TMC2: variants seen among roughly 807,000 people sequenced by gnomAD.
TMC2 encodes transmembrane channel-like protein 2.
In TMC2, 102 loss-of-function variants were observed where a neutral mutation model predicts 105.9. That is an observed-to-expected ratio of 0.96 (90% confidence interval 0.82 to 1.14). TMC2 has a LOEUF of 1.14. TMC2 is among the 50% of genes most tolerant of loss of function. TMC2 has a pLI of 0.00. For synonymous variants in TMC2, 402 were observed against 422.8 expected, an observed-to-expected ratio of 0.95 and a Z score of 0.60; for missense variants, 1,093 against 1,134.3, an observed-to-expected ratio of 0.96 and a Z score of 0.52.
chr20:2,613,573 A>C, intron 14 of TMC2: 1 of 456,240 alleles, frequency 2.2e-6, no homozygotes, highest in South Asian at 2.0e-5. Context: ...CATTTGGCCT[A>C]GGGGAAAGTG....
intron 2 of TMC2, among the ~76,000 whole-genome samples, chr20:2,538,942 C>CA (rs1385372133): frequency 6.6e-6 from 1 of 152,172 alleles, no homozygotes; most frequent in Non-Finnish European, 1.5e-5. Flanking sequence ...TTTAAGAATA[C>CA]AATGTTCTTT....
intron 5 of TMC2, among the ~76,000 whole-genome samples, chr20:2,575,444 G>A (rs867488971): frequency 3.3e-5 from 5 of 152,098 alleles, no homozygotes; most frequent in African/African-American, 4.8e-5. Context: ...GAATGTTACC[G>A]TCTTTTTAAC....
chr20:2,542,951 A>G (rs1025642625), intron 2 of TMC2, among the ~76,000 whole-genome samples: 7 of 151,950 alleles, frequency 4.6e-5, no homozygotes, highest in African/African-American at 1.7e-4. Flanking sequence ...AAAACAAAAT[A>G]CAAGGCCAGG....
At chr20:2,636,492 A>ACACACACACACACG (rs1252208519) in intron 18 of TMC2, among the ~76,000 whole-genome samples, 1 of 147,966 alleles carries the variant, frequency 6.8e-6, no homozygotes, top group Non-Finnish European at 1.5e-5. Flanking sequence ...ACACACACAC[A>ACACACACACACACG]CGCACACACC....
intron 5 of TMC2, among the ~76,000 whole-genome samples, chr20:2,575,212 T>A (rs1209322724): frequency 6.6e-6 from 1 of 152,256 alleles, no homozygotes; most frequent in Non-Finnish European, 1.5e-5. Context: ...AGATTTTTAC[T>A]GTGACAAACA....
At position 2,558,751 on chromosome 20, in the gene TMC2, G is replaced by A. The variant is rs2086002920; in HGVS notation, c.378G>A (p.Lys126=). Residue 126 remains lysine (K), a synonymous_variant, in exon 3 of 20, where the codon AAG becomes AAA. Coordinates refer to ENST00000358864, the MANE Select transcript of TMC2 (RefSeq NM_080751.3). This position sits in a 1 kb window ranked among gnomAD's most constrained non-coding sequence, Gnocchi z 4.6. ...REKEIPRREE[K]SKRQKKPRSS... Reference sequence around the variant, plus strand: ...AGGAGATTCCGAGGAGGGAGGAGAAGTCGAAGCGGCAGAAGAAACCCAGGT... The same window carrying A: ...AGGAGATTCCGAGGAGGGAGGAGAAATCGAAGCGGCAGAAGAAACCCAGGT... 6.4e-7 allele frequency: 1 copy of A among 1,560,324 alleles called. No individual in the cohort carries two copies. Among genetic ancestry groups the A allele is most frequent in the Non-Finnish European group, 8.7e-7 (1 of 1,155,076 alleles).
intron 11 of TMC2, among the ~76,000 whole-genome samples, chr20:2,608,283 T>C (rs1471098854): frequency 1.4e-5 from 2 of 147,300 alleles, no homozygotes; most frequent in Non-Finnish European, 3.0e-5. Context: ...ACCTTCCCAG[T>C]TGTACCCTTA....
chr20:2,561,722 G>A lies in TMC2; in HGVS notation c.402-136G>A, dbSNP rs1568505604. 9 of 1,152,146 alleles carry A rather than the reference G, an allele frequency of 7.8e-6. No homozygotes were observed. The East Asian group carries it at 2.2e-4, about 28-fold the overall frequency. 71.4% of individuals were successfully genotyped at this position (1,152,146 alleles called of 1,614,324 possible). ...GGTAGAATTTTGGCCTCCGCTGCCA[G>A]GCAATGGGAGTCACTAATGGCTTCT... On this transcript the variant is annotated intron_variant, in intron 3 of 19. Transcript: ENST00000358864.
In TMC2 at chr20:2,541,960, G is replaced by A. The variant is rs141001087; in HGVS notation, c.82+4644G>A. On this transcript the variant is annotated intron_variant, in intron 2 of 19. Coordinates refer to ENST00000358864, the MANE Select transcript of TMC2 (RefSeq NM_080751.3). ...TACCTGTTCATAAGTTTTGCTTAAC[G>A]GTCTTTGTGTCCTCCCCCATATTGA... Among the ~76,000 whole-genome samples, 335 of 151,986 alleles carry A rather than the reference G, an allele frequency of 2.2e-3. 5 individuals are homozygous for A. Among genetic ancestry groups the A allele is most frequent in the African/African-American group, 6.9e-3 (287 of 41,460 alleles).
At chr20:2,590,230 A>C (rs2086259719) in intron 7 of TMC2, among the ~76,000 whole-genome samples, 1 of 152,164 alleles carries the variant, frequency 6.6e-6, no homozygotes, top group Non-Finnish European at 1.5e-5. Flanking sequence ...TAAATGAGTA[A>C]AATATAAGGA....
At chr20:2,613,916 T>G (rs542378713) in intron 14 of TMC2, 1 of 159,496 alleles carries the variant, frequency 6.3e-6, no homozygotes, top group East Asian at 1.8e-4. Flanking sequence ...TGGCCCAGCC[T>G]GCAGTCACTG....
chr20:2,558,258 T>G lies in TMC2; in HGVS notation c.83-198T>G. ...AAGGCCAGAGAGTGACCTTCCTGCT[T>G]CTGCAGTTTTCTTAGTTTCCTTCAG... On this transcript the variant is annotated intron_variant, in intron 2 of 19. Transcript: ENST00000358864. This position sits in a 1 kb window ranked among gnomAD's most constrained non-coding sequence, Gnocchi z 4.6. 7.6e-7 allele frequency: 1 copy of G among 1,320,244 alleles called. No individual in the cohort carries two copies. The highest frequency in any genetic ancestry group is 1.0e-6 in the Non-Finnish European group (1 of 991,920). 81.8% of individuals were successfully genotyped at this position (1,320,244 alleles called of 1,614,324 possible).
intron 5 of TMC2, among the ~76,000 whole-genome samples, chr20:2,578,774 T>C (rs953418614): frequency 1.3e-5 from 2 of 152,196 alleles, no homozygotes; most frequent in Admixed American, 6.5e-5. Context: ...CCTTCTACCT[T>C]TGAATTTTTG....
At chr20:2,583,449 C>T (rs1297416825) in intron 7 of TMC2, among the ~76,000 whole-genome samples, 1 of 150,590 alleles carries the variant, frequency 6.6e-6, no homozygotes, top group Non-Finnish European at 1.5e-5. Context: ...AACCCAGCAA[C>T]AACCACATAA....
chr20:2,625,093 A>G (rs2086554968), intron 17 of TMC2, among the ~76,000 whole-genome samples: 1 of 152,236 alleles, frequency 6.6e-6, no homozygotes, highest in Admixed American at 6.5e-5. Context: ...ATGCTCAAGG[A>G]AAGAACTAGG....
intron 2 of TMC2, among the ~76,000 whole-genome samples, chr20:2,556,229 C>T (rs1230721910): frequency 1.3e-5 from 2 of 152,112 alleles, no homozygotes; most frequent in Non-Finnish European, 2.9e-5. Flanking sequence ...GCTGGGATTA[C>T]AGGCACGTGC....
intron 4 of TMC2, among the ~76,000 whole-genome samples, chr20:2,567,808 A>G (rs2086074992): frequency 6.6e-6 from 1 of 152,202 alleles, no homozygotes; most frequent in African/African-American, 2.4e-5. Flanking sequence ...AAGAGGAACA[A>G]CTGGAAATTT....
At chr20:2,574,577 T>C (rs1252149262) in intron 5 of TMC2, among the ~76,000 whole-genome samples, 1 of 152,202 alleles carries the variant, frequency 6.6e-6, no homozygotes, top group Non-Finnish European at 1.5e-5. Context: ...TGTACTCAAG[T>C]TTTAACTTTT....
intron 9 of TMC2, 29 bp from the exon 10 acceptor site, chr20:2,597,122 A>G: frequency 6.3e-7 from 1 of 1,598,652 alleles, no homozygotes; most frequent in Non-Finnish European, 8.6e-7. Context: ...AAGAGGGCAG[A>G]CGTCACAACA....
Sources: allele counts gnomAD v4.1 joint callset (sites outside exome capture counted in the v4.1 genomes callset), GRCh38; gene constraint gnomAD v4.1.1; non-coding constraint Gnocchi (gnomAD v3.1); transcripts MANE v1.5; gene names NCBI Gene and HGNC (gene_info 2026-07-23, HGNC 2026-07-21).